NXPE2: variants seen among roughly 807,000 people sequenced by gnomAD.
The protein encoded by NXPE2 is NXPE family member 2.
A neutral mutation model predicts 34.4 loss-of-function variants in NXPE2; 34 were observed. That is an observed-to-expected ratio of 0.99 (90% CI 0.75 to 1.31). The LOEUF is 1.31. Among genes scored for constraint, NXPE2 ranks in the 40% most tolerant of loss-of-function variants. The pLI is 0.00. For missense variants in NXPE2, 649 were observed against 672.5 expected (o/e 0.97, Z 0.39); for synonymous variants, 235 against 231.3 (o/e 1.02, Z -0.15).
At chr11:114,493,908 T>C in the NXPE2 span, among the ~76,000 whole-genome samples, 7 of 152,326 alleles carry the variant, frequency 4.6e-5, no homozygotes, top group Admixed American at 1.3e-4. Flanking sequence ...GATGAAATCC[T>C]TCAGCTTTTG....
Position 114,698,542 on chromosome 11 carries a change from A to T in NXPE2, c.630A>T (p.Gly210=). The change falls in exon 3 of 6, where the codon GGA becomes GGT. Residue 210 remains glycine (G), a synonymous_variant. Transcript: ENST00000389586. The part of the protein sequence containing the change: ...VSALWRARNQ[G]CDRIIFTGLF... ...CTCTCTGGAGGGCAAGGAACCAAGG[A>T]TGTGATAGGATCATCTTCACTGGCC... 6.2e-7 allele frequency: 1 copy of T among 1,614,154 alleles called. No homozygotes were observed. Among genetic ancestry groups the T allele is most frequent in the Non-Finnish European group, 8.5e-7 (1 of 1,180,002 alleles).
At chr11:114,771,089 T>C in the NXPE2 span, among the ~76,000 whole-genome samples, 2 of 152,224 alleles carry the variant, frequency 1.3e-5, no homozygotes, top group South Asian at 4.2e-4. Flanking sequence ...ATATGGTGGA[T>C]ACTCAATAAA....
the NXPE2 span, chr11:114,527,878 A>G: frequency 5.0e-6 from 8 of 1,604,152 alleles, no homozygotes; most frequent in South Asian, 5.6e-5. Flanking sequence ...ACGATCCTTC[A>G]TCATTTCAAC....
intron 2 of NXPE2, among the ~76,000 whole-genome samples, chr11:114,681,873 G>C (rs1421202461): frequency 6.6e-6 from 1 of 152,078 alleles, no homozygotes; most frequent in African/African-American, 2.4e-5. Flanking sequence ...GAACCTATTA[G>C]TAATATCTTA....
the NXPE2 span, among the ~76,000 whole-genome samples, chr11:114,801,262 C>T: frequency 1.3e-5 from 2 of 152,022 alleles, no homozygotes; most frequent in Non-Finnish European, 2.9e-5. Flanking sequence ...TCAGAGATAA[C>T]TTAGATTTAG....
chr11:114,776,425 G>A, the NXPE2 span, among the ~76,000 whole-genome samples: 1 of 152,398 alleles, frequency 6.6e-6, no homozygotes, highest in South Asian at 2.1e-4. Context: ...TGAAGCGCAG[G>A]AAGTTAAGAA....
At chr11:114,495,595 C>T in the NXPE2 span, among the ~76,000 whole-genome samples, 1 of 151,862 alleles carries the variant, frequency 6.6e-6, no homozygotes, top group Non-Finnish European at 1.5e-5. Flanking sequence ...CTTCCTATAG[C>T]CACCACAGCT....
At chr11:114,552,591 G>T in the NXPE2 span, among the ~76,000 whole-genome samples, 6 of 151,204 alleles carry the variant, frequency 4.0e-5, no homozygotes, top group Middle Eastern at 3.4e-3. Flanking sequence ...CAAAGAAGAA[G>T]AAATCAATCA....
intron 3 of NXPE2, among the ~76,000 whole-genome samples, chr11:114,700,672 TA>T (rs1013227018): frequency 2.6e-5 from 4 of 151,134 alleles, no homozygotes; most frequent in African/African-American, 9.7e-5. Flanking sequence ...ATTTGTTGAA[TA>T]AAAAAAAATA....
chr11:114,712,562 T>C, the NXPE2 span, among the ~76,000 whole-genome samples: 1 of 152,204 alleles, frequency 6.6e-6, no homozygotes, highest in Non-Finnish European at 1.5e-5. Flanking sequence ...AAAATTACAA[T>C]GAGGTATCAC....
the NXPE2 span, among the ~76,000 whole-genome samples, chr11:114,627,164 G>A: frequency 3.7e-4 from 57 of 152,018 alleles, no homozygotes; most frequent in Middle Eastern, 3.2e-3. Context: ...AGGAAATACA[G>A]AGAACGCCAC....
At chr11:114,551,180 G>T in the NXPE2 span, 37 of 1,534,638 alleles carry the variant, frequency 2.4e-5, no homozygotes, top group South Asian at 3.1e-4. Flanking sequence ...AGCGTTTTTT[G>T]AAGCATTGTA....
At chr11:114,605,683 C>T in the NXPE2 span, among the ~76,000 whole-genome samples, 1 of 151,692 alleles carries the variant, frequency 6.6e-6, no homozygotes, top group Non-Finnish European at 1.5e-5. Flanking sequence ...CATGTGTAAC[C>T]ATTGTTACCC....
the NXPE2 span, among the ~76,000 whole-genome samples, chr11:114,627,965 G>A: frequency 8.6e-5 from 13 of 152,026 alleles, no homozygotes; most frequent in Admixed American, 8.5e-4. Flanking sequence ...AACAAGAAGA[G>A]CTAACTATCC....
the NXPE2 span, among the ~76,000 whole-genome samples, chr11:114,811,255 C>T: frequency 9.2e-5 from 14 of 151,388 alleles, no homozygotes; most frequent in Non-Finnish European, 1.8e-4. Context: ...TTAGTGGGTT[C>T]GGCACACCAA....
At chr11:114,780,039 G>A in the NXPE2 span, among the ~76,000 whole-genome samples, 4 of 152,144 alleles carry the variant, frequency 2.6e-5, no homozygotes, top group Non-Finnish European at 5.9e-5. Flanking sequence ...TATCACAGAC[G>A]AAACCAGCAA....
chr11:114,627,956 A>G, the NXPE2 span, among the ~76,000 whole-genome samples: 4 of 152,096 alleles, frequency 2.6e-5, no homozygotes, highest in Admixed American at 1.3e-4. Context: ...GATCAACTCA[A>G]CAAGAAGAGC....
At chr11:114,520,023 C>T in the NXPE2 span, among the ~76,000 whole-genome samples, 1 of 147,420 alleles carries the variant, frequency 6.8e-6, no homozygotes, top group East Asian at 1.9e-4. Context: ...ACTGTGGTCT[C>T]GATCTCCTGA....
At chr11:114,537,918 T>G in the NXPE2 span, among the ~76,000 whole-genome samples, 1 of 152,080 alleles carries the variant, frequency 6.6e-6, no homozygotes, top group African/African-American at 2.4e-5. Context: ...CTTCACAGAA[T>G]TGGAAAAAAC....
Sources: allele counts gnomAD v4.1 joint callset (sites outside exome capture counted in the v4.1 genomes callset), GRCh38; gene constraint gnomAD v4.1.1; transcripts MANE v1.5; gene names NCBI Gene and HGNC (gene_info 2026-07-23, HGNC 2026-07-21).